SOX5: variants seen among roughly 807,000 people sequenced by gnomAD.
The protein encoded by SOX5 is SRY-box transcription factor 5.
A neutral mutation model predicts 92.0 loss-of-function variants in SOX5; 9 were observed. The observed-to-expected ratio is 0.10, with a 90% CI of 0.06 to 0.17. The LOEUF (loss-of-function observed/expected upper bound fraction) is 0.17, where lower values mean the gene tolerates loss of function less well. Among genes scored for constraint, SOX5 ranks in the 10% least tolerant of loss-of-function variants. The pLI, the probability that SOX5 is intolerant of heterozygous loss-of-function variation, is 1.00. For missense variants in SOX5, 642 were observed against 944.5 expected, an observed-to-expected ratio of 0.68 and a Z score of 4.20; for synonymous variants, 344 against 336.3, an observed-to-expected ratio of 1.02 and a Z score of -0.25.
intron 1 of SOX5, among the ~76,000 whole-genome samples, chr12:24,417,666 G>A (rs1965247588): frequency 6.6e-6 from 1 of 152,176 alleles, no homozygotes; most frequent in Non-Finnish European, 1.5e-5. Context: ...GGCAGAGCAG[G>A]TCATTGAAGG....
intron 4 of SOX5, among the ~76,000 whole-genome samples, chr12:24,056,703 C>T (rs550845495): frequency 1.3e-5 from 2 of 151,998 alleles, no homozygotes; most frequent in South Asian, 2.1e-4. Context: ...AGGCCGGGCG[C>T]GGTGGCTCAC....
At chr12:23,926,203 A>T (rs905265201) in intron 1 of SOX5, among the ~76,000 whole-genome samples, 9 of 152,210 alleles carry the variant, frequency 5.9e-5, no homozygotes, top group African/African-American at 2.2e-4. Flanking sequence ...GGTATTTTCA[A>T]TTTTGTATTC....
Position 24,190,276 on chromosome 12 carries a change from T to C in SOX5, c.-2+23067A>G, listed in dbSNP as rs536960510. 4.6e-5 allele frequency among the ~76,000 whole-genome samples: 7 copies of C among 152,268 alleles called. No individual in the cohort carries two copies. In the South Asian group the frequency reaches 1.5e-3, roughly 32 times the overall value. Reference sequence around the variant, plus strand: ...AGAAGACCCTGTGTCATTTCCAAACTCCAGAATGTCACTTTTGGACGCATA... The same window carrying C: ...AGAAGACCCTGTGTCATTTCCAAACCCCAGAATGTCACTTTTGGACGCATA... On this transcript the variant is annotated intron_variant, in intron 4 of 4. Coordinates refer to the SOX5 transcript ENST00000446891.
chr12:23,536,311 G>A, intron 14 of SOX5, 142 bp downstream of exon 14: 3 of 662,492 alleles, frequency 4.5e-6, no homozygotes, highest in Non-Finnish European at 7.9e-6. Flanking sequence ...AAGATCATGT[G>A]GGAGACTATT....
At chr12:24,257,032 C>T (rs1159221581) in intron 3 of SOX5, among the ~76,000 whole-genome samples, 2 of 152,158 alleles carry the variant, frequency 1.3e-5, no homozygotes, top group African/African-American at 4.8e-5. Context: ...TGAGTTAACC[C>T]TTTGGAAGTG....
intron 1 of SOX5, among the ~76,000 whole-genome samples, chr12:23,909,962 G>T (rs965031088): frequency 8.7e-5 from 13 of 149,802 alleles, no homozygotes; most frequent in Non-Finnish European, 1.6e-4. Flanking sequence ...TTTGTTTTTT[G>T]CTGCTGGCAA....
chr12:24,332,138 G>A (rs542006304), intron 2 of SOX5, among the ~76,000 whole-genome samples: 74 of 151,962 alleles, frequency 4.9e-4, no homozygotes, highest in African/African-American at 1.7e-3. Flanking sequence ...TCTTATGAAT[G>A]AAAAAAGATG....
At chr12:23,584,169 G>T (rs78160687) in intron 9 of SOX5, among the ~76,000 whole-genome samples, 2 of 152,068 alleles carry the variant, frequency 1.3e-5, no homozygotes, top group Non-Finnish European at 1.5e-5. Context: ...AGTGGTAGAA[G>T]GTTTGATCCA....
At chr12:24,431,793 G>T (rs1938386646) in intron 1 of SOX5, among the ~76,000 whole-genome samples, 4 of 152,154 alleles carry the variant, frequency 2.6e-5, no homozygotes, top group Admixed American at 2.0e-4. Context: ...TATGCAAGCT[G>T]CTGACACCTG....
intron 4 of SOX5, chr12:24,213,203 A>T (rs1958829432): frequency 6.6e-6 from 1 of 152,128 alleles, no homozygotes; most frequent in South Asian, 2.1e-4. Flanking sequence ...AACTTCTTAC[A>T]TTATTAGAGT....
At chr12:24,328,117 C>A (rs1370416203) in intron 2 of SOX5, among the ~76,000 whole-genome samples, 1 of 152,190 alleles carries the variant, frequency 6.6e-6, no homozygotes, top group Non-Finnish European at 1.5e-5. Flanking sequence ...AAGTCAGATT[C>A]ATTGCCCACA....
upstream of SOX5, chr12:23,949,766 GTCTCTCTCTCTCTC>G (rs143438082): frequency 2.7e-5 from 13 of 473,028 alleles, no homozygotes; most frequent in Admixed American, 5.0e-4. Flanking sequence ...CTCTCTCTCT[GTCTCTCTCTCTCTC>G]TCTCTCTCTC....
chr12:23,689,571 T>C (rs2088352944), intron 6 of SOX5, among the ~76,000 whole-genome samples: 1 of 152,178 alleles, frequency 6.6e-6, no homozygotes, highest in African/African-American at 2.4e-5. Context: ...TTTTTATGCT[T>C]TTATTGTCAG....
chr12:24,426,086 G>A (rs1414732357), intron 1 of SOX5, among the ~76,000 whole-genome samples: 1 of 152,168 alleles, frequency 6.6e-6, no homozygotes, highest in African/African-American at 2.4e-5. Flanking sequence ...TGTAATCCCA[G>A]CACTTTGGGA....
At chr12:24,012,726 C>T (rs1330323315) in intron 4 of SOX5, among the ~76,000 whole-genome samples, 3 of 152,104 alleles carry the variant, frequency 2.0e-5, no homozygotes, top group Non-Finnish European at 4.4e-5. Context: ...CTTTCCTCTA[C>T]ATCCATTTTT....
chr12:24,504,110 C>T (rs946322457), intron 1 of SOX5, among the ~76,000 whole-genome samples: 2 of 152,160 alleles, frequency 1.3e-5, no homozygotes, highest in Non-Finnish European at 1.5e-5. Flanking sequence ...TGCTTCATAG[C>T]AGTGTTCTGA....
At chr12:23,803,225 T>A (rs940000274) in intron 3 of SOX5, among the ~76,000 whole-genome samples, 2 of 152,184 alleles carry the variant, frequency 1.3e-5, no homozygotes, top group Admixed American at 1.3e-4. Flanking sequence ...ATTAACTACT[T>A]ATTTAAGCAT....
At chr12:23,574,198 A>G (rs925400148) in intron 10 of SOX5, among the ~76,000 whole-genome samples, 1 of 152,014 alleles carries the variant, frequency 6.6e-6, no homozygotes, top group Non-Finnish European at 1.5e-5. Flanking sequence ...CTTACCACAC[A>G]CAGCCTTTTT....
chr12:24,426,218 C>A (rs969184682), intron 1 of SOX5, among the ~76,000 whole-genome samples: 31 of 144,594 alleles, frequency 2.1e-4, no homozygotes, highest in African/African-American at 7.5e-4. Flanking sequence ...AACAAACAAA[C>A]AAACAAAAAA....
Sources: gnomAD v4.1 joint callset for allele counts (sites outside exome capture counted in the v4.1 genomes callset) on GRCh38, gnomAD v4.1.1 for gene constraint, MANE v1.5 for transcripts, NCBI Gene and HGNC (gene_info 2026-07-23, HGNC 2026-07-21) for gene names.